ACOXL: variants seen among roughly 807,000 people sequenced by gnomAD.
ACOXL encodes acyl-CoA oxidase like.
ACOXL carries 70 observed loss-of-function variants against 71.9 expected under a neutral mutation model. That is an observed-to-expected ratio of 0.97 (90% CI 0.80 to 1.19). The LOEUF (loss-of-function observed/expected upper bound fraction) is 1.19, where lower values mean the gene tolerates loss of function less well. Among genes scored for constraint, ACOXL ranks in the 50% most tolerant of loss-of-function variants. The probability of loss-of-function intolerance (pLI) is 0.00; values close to 1 mark genes in which losing one functional copy is unlikely to be tolerated. For synonymous variants in ACOXL, 253 were observed against 281.6 expected (o/e 0.90, Z 1.02); for missense variants, 703 against 736.3 (o/e 0.95, Z 0.52).
chr2:110,785,131 G>C (rs1326931559), intron 3 of ACOXL, among the ~76,000 whole-genome samples: 1 of 152,048 alleles, frequency 6.6e-6, no homozygotes, highest in Non-Finnish European at 1.5e-5. Context: ...TTATTGCTAA[G>C]ATCGATTCAT....
At chr2:111,014,600 A>G (rs1384364654) in intron 14 of ACOXL, among the ~76,000 whole-genome samples, 2 of 152,192 alleles carry the variant, frequency 1.3e-5, no homozygotes, top group Non-Finnish European at 2.9e-5. Flanking sequence ...CTTGGCAGGA[A>G]TGTTTGTAGA....
At chr2:110,906,183 C>T (rs1047324446) in intron 10 of ACOXL, among the ~76,000 whole-genome samples, 1 of 152,058 alleles carries the variant, frequency 6.6e-6, no homozygotes, top group Non-Finnish European at 1.5e-5. Context: ...GAATATTGAG[C>T]TTATGGTGGC....
At chr2:110,963,566 TG>T (rs1322832006) in intron 12 of ACOXL, 2 of 57,676 alleles carry the variant, frequency 3.5e-5, no homozygotes, top group Non-Finnish European at 5.5e-5. Flanking sequence ...AAATTTGAAA[TG>T]TGTGTGTGTG....
chr2:110,802,150 G>A (rs1686083306), intron 8 of ACOXL, among the ~76,000 whole-genome samples: 1 of 152,186 alleles, frequency 6.6e-6, no homozygotes, highest in Non-Finnish European at 1.5e-5. Flanking sequence ...ATAATGGACT[G>A]TTAAATAAAT....
At chr2:111,078,855 G>C (rs1451514366) in intron 16 of ACOXL, among the ~76,000 whole-genome samples, 1 of 152,132 alleles carries the variant, frequency 6.6e-6, no homozygotes, top group African/African-American at 2.4e-5. Context: ...TGATGTTTTT[G>C]TTTTAGCAGG....
At chr2:110,792,651 G>T (rs1337293569) in intron 3 of ACOXL, among the ~76,000 whole-genome samples, 1 of 152,078 alleles carries the variant, frequency 6.6e-6, no homozygotes, top group Non-Finnish European at 1.5e-5. Context: ...ACTTAGCCAG[G>T]TGTGGTAGTG....
At chr2:111,008,224 A>G (rs201530210) in intron 14 of ACOXL, among the ~76,000 whole-genome samples, 47 of 152,202 alleles carry the variant, frequency 3.1e-4, no homozygotes, top group East Asian at 1.9e-3. Flanking sequence ...GGTTTCCTCT[A>G]TATCCTGGTT....
At chr2:111,012,028 A>C (rs959120929) in intron 14 of ACOXL, among the ~76,000 whole-genome samples, 1 of 152,140 alleles carries the variant, frequency 6.6e-6, no homozygotes, top group Non-Finnish European at 1.5e-5. Flanking sequence ...CATGAAACAG[A>C]AATTGACAGA....
chr2:110,993,145 GTTC>G (rs765736008), intron 13 of ACOXL, among the ~76,000 whole-genome samples: 5 of 152,172 alleles, frequency 3.3e-5, no homozygotes, highest in Middle Eastern at 3.2e-3. Context: ...TTTAGTTATA[GTTC>G]TTCTTATGTT....
At chr2:110,809,472 A>G (rs1034065509) in intron 9 of ACOXL, among the ~76,000 whole-genome samples, 2 of 152,250 alleles carry the variant, frequency 1.3e-5, no homozygotes, top group African/African-American at 4.8e-5. Context: ...ATGATCTCCA[A>G]GTTGTACAGC....
intron 12 of ACOXL, among the ~76,000 whole-genome samples, chr2:110,959,627 TCA>T (rs2061627137): frequency 6.6e-6 from 1 of 152,062 alleles, no homozygotes; most frequent in African/African-American, 2.4e-5. Flanking sequence ...GAAGTTCACC[TCA>T]CATCCTTTGA....
intron 10 of ACOXL, among the ~76,000 whole-genome samples, chr2:110,885,837 A>G (rs1697214754): frequency 6.6e-6 from 1 of 152,230 alleles, no homozygotes; most frequent in Non-Finnish European, 1.5e-5. Context: ...CTTTTGGAAT[A>G]TGGCTCAGCT....
At chr2:111,060,111 A>AG (rs2066735905) in intron 16 of ACOXL, among the ~76,000 whole-genome samples, 1 of 152,184 alleles carries the variant, frequency 6.6e-6, no homozygotes, top group Non-Finnish European at 1.5e-5. Flanking sequence ...TTGTCAGAGG[A>AG]GGCCTAGTAG....
At chr2:110,816,077 A>G (rs1439394164) in intron 9 of ACOXL, among the ~76,000 whole-genome samples, 2 of 152,194 alleles carry the variant, frequency 1.3e-5, no homozygotes, top group South Asian at 2.1e-4. Context: ...GAATAGATGG[A>G]TGAATGGATA....
chr2:110,783,510 C>T (rs1367771720), intron 2 of ACOXL, among the ~76,000 whole-genome samples: 2 of 152,134 alleles, frequency 1.3e-5, no homozygotes, highest in African/African-American at 4.8e-5. Flanking sequence ...AGGGAAAAAT[C>T]TAGAGTGTGT....
chr2:111,104,947 T>G (rs1310923654), intron 17 of ACOXL, among the ~76,000 whole-genome samples: 3 of 152,162 alleles, frequency 2.0e-5, no homozygotes, highest in Admixed American at 1.3e-4. Context: ...ATCTAAAAAT[T>G]TTATACTTTT....
intron 10 of ACOXL, among the ~76,000 whole-genome samples, chr2:110,878,487 G>A (rs1272621338): frequency 6.6e-6 from 1 of 152,226 alleles, no homozygotes; most frequent in African/African-American, 2.4e-5. Context: ...TGCAGGCCCG[G>A]TGCAATGGCT....
intron 16 of ACOXL, among the ~76,000 whole-genome samples, chr2:111,078,915 G>A (rs1161366595): frequency 6.6e-6 from 1 of 152,160 alleles, no homozygotes. Context: ...ACCTTCTGTT[G>A]ATTGTGATTC....
chr2:110,965,106 C>G (rs1031895856), intron 12 of ACOXL, among the ~76,000 whole-genome samples: 2 of 152,156 alleles, frequency 1.3e-5, no homozygotes. Context: ...ACTTATTTCA[C>G]TTAACATAAT....
Sources: gnomAD v4.1 joint callset for allele counts (sites outside exome capture counted in the v4.1 genomes callset) on GRCh38, gnomAD v4.1.1 for gene constraint, MANE v1.5 for transcripts, NCBI Gene and HGNC (gene_info 2026-07-23, HGNC 2026-07-21) for gene names.